KLF8: variants seen among roughly 807,000 people sequenced by gnomAD.
The protein encoded by KLF8 is Krueppel-like factor 8.
KLF8 carries 10 observed loss-of-function variants against 18.2 expected under a neutral mutation model. That is an observed-to-expected ratio of 0.55 (90% CI 0.34 to 0.93). The LOEUF is 0.93. Ranked by LOEUF, KLF8 falls within the 40% of genes least tolerant of loss-of-function variation. The pLI, the probability that KLF8 is intolerant of heterozygous loss-of-function variation, is 0.02. For missense variants in KLF8, 264 were observed against 277.9 expected, an observed-to-expected ratio of 0.95 and a Z score of 0.36; for synonymous variants, 109 against 97.3, an observed-to-expected ratio of 1.12 and a Z score of -0.71.
At chrX:56,116,101 T>G in the KLF8 span, among the ~76,000 whole-genome samples, 2 of 113,003 alleles carry the variant, frequency 1.8e-5, no homozygotes, top group Non-Finnish European at 3.7e-5. Flanking sequence ...CTCTTTGCCT[T>G]GGGGCCCAGA....
the KLF8 span, among the ~76,000 whole-genome samples, chrX:56,098,190 G>T: frequency 9.0e-6 from 1 of 111,678 alleles, no homozygotes; most frequent in East Asian, 2.8e-4. Flanking sequence ...TTCACCTTCT[G>T]CTATGAATGG....
chrX:56,226,270 GT>G, the KLF8 span, among the ~76,000 whole-genome samples: 22 of 111,937 alleles, frequency 2.0e-4, no homozygotes, highest in Non-Finnish European at 3.0e-4. Context: ...TTCAATCATG[GT>G]TTGCTAAAGT....
At chrX:56,057,982 T>C in the KLF8 span, among the ~76,000 whole-genome samples, 1 of 105,572 alleles carries the variant, frequency 9.5e-6, no homozygotes, top group Non-Finnish European at 1.9e-5. Flanking sequence ...TTTTACCATT[T>C]GAACTCATGC....
the KLF8 span, among the ~76,000 whole-genome samples, chrX:56,188,400 G>A: frequency 8.9e-6 from 1 of 111,877 alleles, no homozygotes; most frequent in Non-Finnish European, 1.9e-5. Context: ...AACATTCCAT[G>A]ATCATGGGTA....
chrX:56,079,619 T>C, the KLF8 span, among the ~76,000 whole-genome samples: 1 of 111,906 alleles, frequency 8.9e-6, no homozygotes, highest in South Asian at 3.7e-4. Context: ...GTATATTCTG[T>C]TGATTTGTGG....
At chrX:56,253,818 T>G (rs1387441627) in intron 2 of KLF8, among the ~76,000 whole-genome samples, 1 of 91,058 alleles carries the variant, frequency 1.1e-5, no homozygotes, top group Non-Finnish European at 2.1e-5. Context: ...CGGAGTGCAG[T>G]GGCACAATCT....
At chrX:55,923,190 G>A in the KLF8 span, among the ~76,000 whole-genome samples, 7 of 109,241 alleles carry the variant, frequency 6.4e-5, no homozygotes, top group East Asian at 1.4e-3. Context: ...CATGGATGGA[G>A]TTGGAAGCCA....
At chrX:56,138,933 C>G in the KLF8 span, among the ~76,000 whole-genome samples, 2 of 110,939 alleles carry the variant, frequency 1.8e-5, no homozygotes, top group Non-Finnish European at 3.8e-5. Context: ...AGTCTCAGCC[C>G]AAAAGCCCCT....
At chrX:55,924,849 C>CTTTTTTTTTTTTTT in the KLF8 span, among the ~76,000 whole-genome samples, 4 of 42,937 alleles carry the variant, frequency 9.3e-5, no homozygotes, top group Admixed American at 4.1e-4. Flanking sequence ...TTGTTTTTTG[C>CTTTTTTTTTTTTTT]TTTTTTTTTT....
the KLF8 span, among the ~76,000 whole-genome samples, chrX:56,016,875 A>T: frequency 2.7e-5 from 3 of 111,959 alleles, no homozygotes; most frequent in African/African-American, 9.7e-5. Flanking sequence ...TTATAAGTTT[A>T]TTTTTTATAG....
At chrX:56,050,136 C>T in the KLF8 span, among the ~76,000 whole-genome samples, 31 of 109,422 alleles carry the variant, frequency 2.8e-4, no homozygotes, top group South Asian at 7.5e-3. Context: ...TTTTTTATTG[C>T]GTCTATTTGA....
At chrX:56,009,675 G>A in the KLF8 span, among the ~76,000 whole-genome samples, 2 of 111,730 alleles carry the variant, frequency 1.8e-5, no homozygotes, top group South Asian at 7.5e-4. Context: ...AACTAAAAAA[G>A]CATGTTTTAA....
chrX:56,106,034 T>G, the KLF8 span, among the ~76,000 whole-genome samples: 1 of 111,902 alleles, frequency 8.9e-6, no homozygotes, highest in Non-Finnish European at 1.9e-5. Context: ...TTAAGAATGT[T>G]GAATATTGGC....
chrX:55,966,610 T>C, the KLF8 span, among the ~76,000 whole-genome samples: 1 of 112,110 alleles, frequency 8.9e-6, no homozygotes, highest in Non-Finnish European at 1.9e-5. Flanking sequence ...TAGATCACAC[T>C]ACCAAAGTCC....
the KLF8 span, among the ~76,000 whole-genome samples, chrX:56,011,628 T>C: frequency 9.2e-6 from 1 of 108,872 alleles, no homozygotes; most frequent in Admixed American, 9.8e-5. Context: ...CTGAAGGAAA[T>C]AGAGACATGA....
chrX:56,019,845 ACT>A, the KLF8 span, among the ~76,000 whole-genome samples: 1 of 111,416 alleles, frequency 9.0e-6, no homozygotes, highest in Admixed American at 9.5e-5. Context: ...GTTTCCTAGA[ACT>A]CTATTCAGAG....
chrX:56,060,016 T>G, the KLF8 span, among the ~76,000 whole-genome samples: 2 of 111,751 alleles, frequency 1.8e-5, no homozygotes, highest in Non-Finnish European at 3.8e-5. Context: ...GTTTGTGTCC[T>G]CCCTTACTTC....
chrX:56,008,859 C>G, the KLF8 span, among the ~76,000 whole-genome samples: 1 of 112,024 alleles, frequency 8.9e-6, no homozygotes, highest in Admixed American at 9.4e-5. Flanking sequence ...AGACTCTGAT[C>G]CGTCCTAACT....
At chrX:56,184,364 G>T in the KLF8 span, among the ~76,000 whole-genome samples, 3 of 112,621 alleles carry the variant, frequency 2.7e-5, no homozygotes, top group Admixed American at 9.4e-5. Flanking sequence ...AAACAAAGCA[G>T]CCAGGAAGCT....
Sources: gnomAD v4.1 joint callset for allele counts (sites outside exome capture counted in the v4.1 genomes callset) on GRCh38, gnomAD v4.1.1 for gene constraint, MANE v1.5 for transcripts, NCBI Gene and HGNC (gene_info 2026-07-23, HGNC 2026-07-21) for gene names.